Variants in HORMAD2 observed in about 807,000 individuals in gnomAD.
HORMAD2 encodes the protein HORMA domain containing 2, also known as HORMA domain-containing protein 2.
HORMAD2 carries 45 observed loss-of-function variants against 38.8 expected under a neutral mutation model. The ratio of observed to expected loss-of-function variants is 1.16; its 90% CI spans 0.91 to 1.49. HORMAD2 has a LOEUF of 1.49. Ranked by LOEUF, HORMAD2 falls within the 40% of genes most tolerant of loss-of-function variation. The pLI, the probability that HORMAD2 is intolerant of heterozygous loss-of-function variation, is 0.00. For missense variants in HORMAD2, 338 were observed against 367.0 expected (o/e 0.92, Z 0.65); for synonymous variants, 126 against 122.8 (o/e 1.03, Z -0.17).
chr22:30,164,170 A>G (rs779082707), intron 10 of HORMAD2, among the ~76,000 whole-genome samples: 1 of 152,182 alleles, frequency 6.6e-6, no homozygotes, highest in Non-Finnish European at 1.5e-5. Context: ...TTGTATGTAT[A>G]TACCATATTT....
intron 1 of HORMAD2, among the ~76,000 whole-genome samples, chr22:30,090,043 A>G (rs2146065499): frequency 6.6e-6 from 1 of 152,280 alleles, no homozygotes; most frequent in Non-Finnish European, 1.5e-5. Flanking sequence ...ACATTGTTGC[A>G]TGTATCAGAA....
At position 30,117,029 on chromosome 22, in the gene HORMAD2, A is replaced by G. The variant is rs555600083; in HGVS notation, c.343-1951A>G. Among the ~76,000 whole-genome samples, 17 of 152,352 alleles carry G rather than the reference A, an allele frequency of 1.1e-4. No individual in the cohort carries two copies. The South Asian group carries it at 3.3e-3, about 30-fold the overall frequency. ...TTGTATTTACAAAGCAGTTTTCTGA[A>G]CTTGATTTGATTTCTCAAGTAGGCT... On this transcript the variant is annotated intron_variant, in intron 7 of 10. Coordinates refer to ENST00000336726, the MANE Select transcript of HORMAD2 (RefSeq NM_152510.4).
chr22:30,180,357 A>T (rs535147987), downstream of HORMAD2, among the ~76,000 whole-genome samples: 1 of 152,174 alleles, frequency 6.6e-6, no homozygotes, highest in South Asian at 2.1e-4. Context: ...CTGGTATAAG[A>T]GTGGATTTTA....
chr22:30,128,005 T>G (rs1488708844), intron 10 of HORMAD2, among the ~76,000 whole-genome samples: 5 of 152,216 alleles, frequency 3.3e-5, no homozygotes, highest in Non-Finnish European at 1.5e-5. Flanking sequence ...TAGTTGAGTC[T>G]TCTAACTGGG....
chr22:30,082,425 A>T (rs1457713571), intron 1 of HORMAD2, among the ~76,000 whole-genome samples: 1 of 152,184 alleles, frequency 6.6e-6, no homozygotes, highest in African/African-American at 2.4e-5. Flanking sequence ...GCAGCTGGCT[A>T]ATCTTTATGT....
chr22:30,202,291 G>A, the HORMAD2 span, among the ~76,000 whole-genome samples: 8 of 152,190 alleles, frequency 5.3e-5, no homozygotes, highest in African/African-American at 1.2e-4. Context: ...TTGGCACGTC[G>A]GTCAAATTGT....
intron 10 of HORMAD2, among the ~76,000 whole-genome samples, chr22:30,171,023 C>G (rs1192310494): frequency 6.6e-6 from 1 of 152,182 alleles, no homozygotes; most frequent in Non-Finnish European, 1.5e-5. Context: ...CCCCCTTCCC[C>G]TGACTTTCTC....
chr22:30,104,267 T>C (rs891932584), intron 4 of HORMAD2, 134 bp from the exon 5 acceptor site: 1 of 705,138 alleles, frequency 1.4e-6, no homozygotes. Flanking sequence ...TTTAAAAAAA[T>C]GATTAAATGG....
chr22:30,134,525 G>A (rs1166634748), intron 10 of HORMAD2, among the ~76,000 whole-genome samples: 1 of 149,880 alleles, frequency 6.7e-6, no homozygotes, highest in Admixed American at 6.7e-5. Flanking sequence ...GAGGCCAATT[G>A]TGTTTCTAAC....
At chr22:30,087,516 TC>T (rs2146058215) in intron 1 of HORMAD2, among the ~76,000 whole-genome samples, 1 of 152,320 alleles carries the variant, frequency 6.6e-6, no homozygotes, top group African/African-American at 2.4e-5. Context: ...TTTAGTCTGT[TC>T]TTGCATTGCT....
At chr22:30,178,124 T>C (rs1215924469), downstream of HORMAD2, among the ~76,000 whole-genome samples, 1 of 144,962 alleles carries the variant, frequency 6.9e-6, no homozygotes, top group Admixed American at 7.0e-5. Flanking sequence ...CAAAGCAAAT[T>C]AGCACTACTG....
intron 10 of HORMAD2, among the ~76,000 whole-genome samples, chr22:30,175,094 C>T (rs915560353): frequency 6.6e-6 from 1 of 150,824 alleles, no homozygotes; most frequent in South Asian, 2.1e-4. Flanking sequence ...TTTGCACTTC[C>T]ACTATTTTGT....
chr22:30,206,913 G>A, the HORMAD2 span: 16 of 368,378 alleles, frequency 4.3e-5, no homozygotes, highest in African/African-American at 1.5e-4. Context: ...AGTGACACCC[G>A]AGCATCATTC....
intron 2 of HORMAD2, among the ~76,000 whole-genome samples, chr22:30,096,413 T>TTTA (rs1211026989): frequency 6.6e-6 from 1 of 152,264 alleles, no homozygotes; most frequent in East Asian, 1.9e-4. Context: ...TTTAGGAGTT[T>TTTA]TTATTATTCT....
At chr22:30,178,398 G>T (rs1926569401), downstream of HORMAD2, among the ~76,000 whole-genome samples, 1 of 152,212 alleles carries the variant, frequency 6.6e-6, no homozygotes, top group Non-Finnish European at 1.5e-5. Context: ...AGACAACAGA[G>T]AAGTTTCTGG....
At chr22:30,093,708 T>A (rs545766841) in intron 1 of HORMAD2, among the ~76,000 whole-genome samples, 1 of 152,320 alleles carries the variant, frequency 6.6e-6, no homozygotes, top group South Asian at 2.1e-4. Context: ...TAGAATTATC[T>A]TAGCATTCAT....
chr22:30,084,050 T>C (rs569307612), intron 1 of HORMAD2, among the ~76,000 whole-genome samples: 24 of 152,306 alleles, frequency 1.6e-4, no homozygotes, highest in Middle Eastern at 6.8e-3. Context: ...TGTTACTGAG[T>C]GGCTGACTAA....
At chr22:30,146,822 C>T (rs1924448608) in intron 10 of HORMAD2, among the ~76,000 whole-genome samples, 1 of 152,046 alleles carries the variant, frequency 6.6e-6, no homozygotes, top group Admixed American at 6.5e-5. Context: ...AAGACACCAC[C>T]AGAACTAATA....
At chr22:30,166,037 TC>T (rs1314129054) in intron 10 of HORMAD2, among the ~76,000 whole-genome samples, 2 of 151,796 alleles carry the variant, frequency 1.3e-5, no homozygotes, top group Admixed American at 1.3e-4. Flanking sequence ...TCATTATTCT[TC>T]TTTTTCATTA....
Sources: allele counts gnomAD v4.1 joint callset (sites outside exome capture counted in the v4.1 genomes callset), GRCh38; gene constraint gnomAD v4.1.1; transcripts MANE v1.5; gene names NCBI Gene and HGNC (gene_info 2026-07-23, HGNC 2026-07-21).